Variants in KHDRBS3 observed in about 807,000 individuals in gnomAD.
KHDRBS3 encodes the protein KH RNA binding domain containing, signal transduction associated 3, also known as KH domain-containing, RNA-binding, signal transduction-associated protein 3.
In KHDRBS3, 23 loss-of-function variants were observed where a neutral mutation model predicts 45.6. The ratio of observed to expected loss-of-function variants is 0.50; its 90% CI spans 0.36 to 0.72. The LOEUF is 0.72. Ranked by LOEUF, KHDRBS3 falls within the 30% of genes least tolerant of loss-of-function variation. The probability of loss-of-function intolerance (pLI) is 0.00; values close to 1 mark genes in which losing one functional copy is unlikely to be tolerated. For missense variants in KHDRBS3, 352 were observed against 424.8 expected, an observed-to-expected ratio of 0.83 and a Z score of 1.51; for synonymous variants, 162 against 156.5, an observed-to-expected ratio of 1.04 and a Z score of -0.26.
chr8:135,520,177 T>A (rs1407316790), intron 1 of KHDRBS3, among the ~76,000 whole-genome samples: 2 of 152,224 alleles, frequency 1.3e-5, no homozygotes, highest in Non-Finnish European at 2.9e-5. Context: ...TTCTTAAATG[T>A]TCCTAGCTTA....
intron 7 of KHDRBS3, among the ~76,000 whole-genome samples, chr8:135,633,606 T>A (rs1218664063): frequency 6.6e-6 from 1 of 152,212 alleles, no homozygotes; most frequent in Non-Finnish European, 1.5e-5. Context: ...AAAACCAGTT[T>A]CTTTTTTTAA....
chr8:135,485,837 C>T (rs1822825977), intron 1 of KHDRBS3, among the ~76,000 whole-genome samples: 1 of 95,948 alleles, frequency 1.0e-5, no homozygotes, highest in Admixed American at 9.9e-5. Context: ...ATTGGCATTT[C>T]AAGTTTATAT....
At chr8:135,548,654 G>GT (rs1359313588) in intron 3 of KHDRBS3, 100 bp from the exon 4 acceptor site, 2 of 985,686 alleles carry the variant, frequency 2.0e-6, no homozygotes, top group Non-Finnish European at 2.8e-6. Flanking sequence ...CAGATGGATT[G>GT]TTTTTATTTT....
intron 2 of KHDRBS3, chr8:135,541,308 A>G (rs1056384007): frequency 6.6e-6 from 1 of 152,198 alleles, no homozygotes; most frequent in African/African-American, 2.4e-5. Context: ...GTCAGTACCC[A>G]GTCCCATTCT....
chr8:135,508,825 A>G (rs886472539), intron 1 of KHDRBS3, among the ~76,000 whole-genome samples: 30 of 152,200 alleles, frequency 2.0e-4, no homozygotes, highest in Non-Finnish European at 3.1e-4. Context: ...GGAAGACAGG[A>G]ACTCCTAGCC....
At chr8:135,577,248 CTACTT>C (rs1827988498) in intron 5 of KHDRBS3, among the ~76,000 whole-genome samples, 1 of 152,108 alleles carries the variant, frequency 6.6e-6, no homozygotes, top group African/African-American at 2.4e-5. Context: ...TGAGAGTCTC[CTACTT>C]CCTCAATAAT....
At chr8:135,589,517 C>T (rs539003891) in intron 6 of KHDRBS3, among the ~76,000 whole-genome samples, 1 of 152,130 alleles carries the variant, frequency 6.6e-6, no homozygotes, top group African/African-American at 2.4e-5. Flanking sequence ...AACTGTTTTC[C>T]CGAGCTCTTG....
At chr8:135,643,882 G>A (rs1041482848) in intron 7 of KHDRBS3, among the ~76,000 whole-genome samples, 10 of 152,198 alleles carry the variant, frequency 6.6e-5, no homozygotes, top group Admixed American at 2.6e-4. Flanking sequence ...AGCGGCTGGT[G>A]TTCAGTAGAC....
intron 1 of KHDRBS3, among the ~76,000 whole-genome samples, chr8:135,502,896 C>G (rs1199071852): frequency 6.6e-6 from 1 of 152,098 alleles, no homozygotes; most frequent in Non-Finnish European, 1.5e-5. Flanking sequence ...AACCTCTAGC[C>G]ACATGAGGCA....
intron 2 of KHDRBS3, chr8:135,538,654 A>C (rs1825894429): frequency 6.6e-6 from 1 of 152,218 alleles, no homozygotes; most frequent in African/African-American, 2.4e-5. Flanking sequence ...TAAATGTGAA[A>C]CTGAAAACTA....
In KHDRBS3 at chr8:135,515,100, C is replaced by T. The variant is rs890691099; in HGVS notation, c.89-6137C>T. On this transcript the variant is annotated intron_variant, in intron 1 of 8. Transcript: ENST00000355849. Reference sequence around the variant, plus strand: ...TTCCTTGTGGGGCTGGGCGCGGTGGCTCACGCCTGTAATCCCAGCACTTTG... The same window carrying T: ...TTCCTTGTGGGGCTGGGCGCGGTGGTTCACGCCTGTAATCCCAGCACTTTG... Among the ~76,000 whole-genome samples the T allele has an allele frequency of 3.3e-5, 5 of 152,010 alleles. No homozygotes were observed. In the East Asian group the frequency reaches 7.7e-4, roughly 24 times the overall value.
At chr8:135,627,912 G>GA (rs961918756) in intron 7 of KHDRBS3, among the ~76,000 whole-genome samples, 6 of 151,140 alleles carry the variant, frequency 4.0e-5, no homozygotes, top group South Asian at 4.2e-4. Flanking sequence ...AGGTGGTGTT[G>GA]AAAAAAAATC....
chr8:135,531,346 C>T (rs1336790888), intron 2 of KHDRBS3, among the ~76,000 whole-genome samples: 2 of 151,802 alleles, frequency 1.3e-5, no homozygotes, highest in Non-Finnish European at 2.9e-5. Flanking sequence ...CTAATAATAC[C>T]TAGTGATCTG....
chr8:135,494,856 G>T (rs768791867), intron 1 of KHDRBS3, among the ~76,000 whole-genome samples: 2 of 152,204 alleles, frequency 1.3e-5, no homozygotes, highest in Non-Finnish European at 2.9e-5. Flanking sequence ...GGAAGCTGTG[G>T]GGAACCTGTG....
chr8:135,475,387 C>T (rs142301935), intron 1 of KHDRBS3, among the ~76,000 whole-genome samples: 113 of 118,900 alleles, frequency 9.5e-4, no homozygotes, highest in African/African-American at 3.0e-3. Context: ...TCTCGGCTCA[C>T]GGCAACTTCC....
intron 4 of KHDRBS3, chr8:135,549,530 AG>A (rs1209222358): frequency 1.3e-5 from 2 of 152,230 alleles, no homozygotes; most frequent in Non-Finnish European, 2.9e-5. Flanking sequence ...GACAATTTAA[AG>A]GGAATACATC....
chr8:135,557,698 A>G, intron 5 of KHDRBS3, 111 bp downstream of exon 5: 1 of 785,010 alleles, frequency 1.3e-6, no homozygotes, highest in Non-Finnish European at 2.1e-6. Flanking sequence ...TCATGTGGGC[A>G]TGGTGGCACA....
intron 5 of KHDRBS3, among the ~76,000 whole-genome samples, chr8:135,558,927 C>T (rs1419278865): frequency 1.3e-5 from 2 of 152,178 alleles, no homozygotes; most frequent in Non-Finnish European, 2.9e-5. Context: ...TTCCGTGTCT[C>T]TTCCAGTTTC....
rs181685473 is a variant in KHDRBS3 at position 135,466,456 on chromosome 8, A to G, written c.88+8502A>G. Among the ~76,000 whole-genome samples, 71 of 152,346 alleles carry G rather than the reference A, an allele frequency of 4.7e-4. No individual in the cohort carries two copies. In the East Asian group the frequency reaches 5.8e-3, roughly 12 times the overall value. ...GAAAAGTATACTCCAAAAACATTAAATTGAAAGCTTTTGTCAAATAACTTG... is the reference window on the plus strand; with the variant it reads ...GAAAAGTATACTCCAAAAACATTAAGTTGAAAGCTTTTGTCAAATAACTTG... On this transcript the variant is annotated intron_variant, in intron 1 of 8. Transcript: ENST00000355849.
Sources: gnomAD v4.1 joint callset for allele counts (sites outside exome capture counted in the v4.1 genomes callset) on GRCh38, gnomAD v4.1.1 for gene constraint, MANE v1.5 for transcripts, NCBI Gene and HGNC (gene_info 2026-07-23, HGNC 2026-07-21) for gene names.